APTX: variants seen among roughly 807,000 people sequenced by gnomAD.
The protein encoded by APTX is forkhead-associated domain histidine triad-like protein.
Under a neutral mutation model 42.3 loss-of-function variants are expected in APTX, and 33 were observed. The ratio of observed to expected loss-of-function variants is 0.78; its 90% CI spans 0.59 to 1.04. The LOEUF is 1.04. APTX is among the 50% of genes least tolerant of loss of function. The pLI, the probability that APTX is intolerant of heterozygous loss-of-function variation, is 0.00. For synonymous variants in APTX, 130 were observed against 146.7 expected (o/e 0.89, Z 0.82); for missense variants, 421 against 415.1 (o/e 1.01, Z -0.12).
chr9:33,020,867 C>G (rs895213150), intron 1 of APTX, among the ~76,000 whole-genome samples: 1 of 152,094 alleles, frequency 6.6e-6, no homozygotes, highest in African/African-American at 2.4e-5. Flanking sequence ...TGGTGGCTCA[C>G]GCCTGTAATC....
At chr9:32,975,689 A>C (rs1829217445) in intron 6 of APTX, among the ~76,000 whole-genome samples, 1 of 152,088 alleles carries the variant, frequency 6.6e-6, no homozygotes, top group African/African-American at 2.4e-5. Context: ...ACAAAGTTAG[A>C]CTCCATCACT....
chr9:32,991,691 T>C (rs1456768734), intron 1 of APTX, among the ~76,000 whole-genome samples: 1 of 151,428 alleles, frequency 6.6e-6, no homozygotes, highest in Non-Finnish European at 1.5e-5. Flanking sequence ...GCAGGAAAAT[T>C]GCTTGAACCC....
intron 6 of APTX, among the ~76,000 whole-genome samples, chr9:32,975,340 T>C (rs1470562122): frequency 1.3e-5 from 2 of 152,238 alleles, no homozygotes; most frequent in Non-Finnish European, 2.9e-5. Context: ...ACAATAAAAA[T>C]TGAATTATAA....
chr9:33,006,518 A>C (rs1319222791), upstream of APTX, among the ~76,000 whole-genome samples: 1 of 152,190 alleles, frequency 6.6e-6, no homozygotes, highest in Non-Finnish European at 1.5e-5. Flanking sequence ...ACCTGATCTA[A>C]GGGAAAAGCA....
At chr9:33,004,455 ATTC>A (rs756636155), upstream of APTX, among the ~76,000 whole-genome samples, 3 of 152,200 alleles carry the variant, frequency 2.0e-5, no homozygotes, top group African/African-American at 4.8e-5. Flanking sequence ...ATTTTTAAAA[ATTC>A]TTCTTTCAAT....
At chr9:32,980,937 T>G (rs1037767661) in intron 6 of APTX, among the ~76,000 whole-genome samples, 1 of 152,194 alleles carries the variant, frequency 6.6e-6, no homozygotes, top group African/African-American at 2.4e-5. Flanking sequence ...GTTCTCCCAA[T>G]AAATAATCAA....
In APTX at chr9:32,973,397, T is replaced by C. The variant is rs1828503386; in HGVS notation, c.*101A>G. Reference sequence around the variant, plus strand: ...TAAATTTGTGAAAAAGCTGCATGTTTTAATTTAGGAAATGAGTAGAAGTTC... The same window carrying C: ...TAAATTTGTGAAAAAGCTGCATGTTCTAATTTAGGAAATGAGTAGAAGTTC... On this transcript the variant is annotated 3_prime_UTR_variant, in exon 8 of 8. Coordinates refer to ENST00000379817, the MANE Select transcript of APTX (RefSeq NM_001195248.2). The C allele has an allele frequency of 7.3e-7, 1 of 1,373,392 alleles. No homozygotes were observed. The highest frequency in any genetic ancestry group is 1.7e-5 in the Admixed American group (1 of 59,530). 85.1% of individuals were successfully genotyped at this position (1,373,392 alleles called of 1,614,324 possible). A position where few individuals can be genotyped will look rare whatever the true frequency, so the allele number is the denominator to read the frequency against.
intron 1 of APTX, among the ~76,000 whole-genome samples, chr9:33,023,898 C>T (rs1564008824): frequency 2.6e-5 from 4 of 152,246 alleles, no homozygotes. Flanking sequence ...TTCTAGCTCC[C>T]TTAGCTATGG....
At chr9:33,006,423 C>G (rs557856811), upstream of APTX, among the ~76,000 whole-genome samples, 2 of 152,108 alleles carry the variant, frequency 1.3e-5, no homozygotes, top group Non-Finnish European at 2.9e-5. Flanking sequence ...ACTTATATAA[C>G]CTGTCTGGCC....
chr9:33,024,300 A>G (rs933825089), intron 1 of APTX, among the ~76,000 whole-genome samples: 12 of 152,200 alleles, frequency 7.9e-5, no homozygotes, highest in Non-Finnish European at 1.6e-4. Context: ...CACGTGAGCC[A>G]CCGAGCGTGG....
chr9:33,005,582 A>T (rs1296466005), upstream of APTX, among the ~76,000 whole-genome samples: 2 of 147,964 alleles, frequency 1.4e-5, no homozygotes, highest in Admixed American at 1.4e-4. Context: ...GACTACAAGC[A>T]TGTCCCACCA....
chr9:33,001,233 C>A, intron 1 of APTX: 1 of 1,281,920 alleles, frequency 7.8e-7, no homozygotes. Flanking sequence ...GCATTTCTGG[C>A]GGAAACGCTG....
At chr9:32,974,612 T>G (rs758686958) in intron 6 of APTX, 51 bp from the exon 7 acceptor site, 1 of 992,560 alleles carries the variant, frequency 1.0e-6, no homozygotes, top group South Asian at 1.3e-5. Flanking sequence ...CAACTATGGC[T>G]TAATCAAAAT....
At chr9:32,975,542 A>G (rs1293563375) in intron 6 of APTX, among the ~76,000 whole-genome samples, 1 of 152,130 alleles carries the variant, frequency 6.6e-6, no homozygotes, top group Non-Finnish European at 1.5e-5. Flanking sequence ...TACTAAAAAT[A>G]CAAAAAACTA....
chr9:32,996,206 G>A (rs767567269), intron 1 of APTX, among the ~76,000 whole-genome samples: 5 of 151,614 alleles, frequency 3.3e-5, no homozygotes, highest in Non-Finnish European at 7.4e-5. Context: ...CCAAACCCAC[G>A]TCTCTGAGGT....
At chr9:33,015,665 C>G (rs1837847132) in intron 1 of APTX, among the ~76,000 whole-genome samples, 1 of 152,106 alleles carries the variant, frequency 6.6e-6, no homozygotes, top group African/African-American at 2.4e-5. Flanking sequence ...CCTGTATTTT[C>G]TTTTGTTCTG....
At chr9:32,981,422 A>T (rs879400209) in intron 6 of APTX, among the ~76,000 whole-genome samples, 1 of 150,172 alleles carries the variant, frequency 6.7e-6, no homozygotes, top group Admixed American at 6.6e-5. Context: ...AGGGGTGTGT[A>T]TGTGTGTGTG....
At chr9:32,983,039 G>C (rs1424770103) in intron 6 of APTX, among the ~76,000 whole-genome samples, 1 of 151,704 alleles carries the variant, frequency 6.6e-6, no homozygotes, top group Non-Finnish European at 1.5e-5. Flanking sequence ...CAACCTCCTG[G>C]GCTCAAGTGA....
chr9:32,992,990 C>A (rs1486574038), intron 1 of APTX, among the ~76,000 whole-genome samples: 3 of 152,170 alleles, frequency 2.0e-5, no homozygotes, highest in Non-Finnish European at 4.4e-5. Context: ...GATGAATGAG[C>A]AGGTAACAGA....
Sources: gnomAD v4.1 joint callset for allele counts (sites outside exome capture counted in the v4.1 genomes callset) on GRCh38, gnomAD v4.1.1 for gene constraint, MANE v1.5 for transcripts, NCBI Gene and HGNC (gene_info 2026-07-23, HGNC 2026-07-21) for gene names.